Variants in VTI1A observed in about 807,000 individuals in gnomAD.
The protein encoded by VTI1A is vesicle transport through interaction with t-SNAREs 1A.
In VTI1A, 22 loss-of-function variants were observed where a neutral mutation model predicts 34.9. The observed-to-expected ratio is 0.63, with a 90% CI of 0.45 to 0.90. VTI1A has a LOEUF of 0.90. VTI1A is among the 40% of genes least tolerant of loss of function. The probability of loss-of-function intolerance (pLI) is 0.00; values close to 1 mark genes in which losing one functional copy is unlikely to be tolerated. For missense variants in VTI1A, 268 were observed against 275.6 expected (o/e 0.97, Z 0.20); for synonymous variants, 87 against 97.3 (o/e 0.89, Z 0.62).
intron 7 of VTI1A, among the ~76,000 whole-genome samples, chr10:112,760,185 C>T (rs1214081041): frequency 3.3e-5 from 5 of 152,158 alleles, no homozygotes; most frequent in African/African-American, 9.7e-5. Flanking sequence ...GTTCCAAGAC[C>T]GCCAGTGGAT....
intron 7 of VTI1A, among the ~76,000 whole-genome samples, chr10:112,732,153 A>G (rs1000251689): frequency 1.1e-4 from 16 of 152,212 alleles, no homozygotes; most frequent in Non-Finnish European, 7.3e-5. Flanking sequence ...TGAGCAAATG[A>G]CATCACAAGT....
At chr10:112,664,387 AT>A (rs886144496) in intron 5 of VTI1A, among the ~76,000 whole-genome samples, 1 of 152,030 alleles carries the variant, frequency 6.6e-6, no homozygotes, top group Admixed American at 6.6e-5. Flanking sequence ...GGTCTTATAA[AT>A]TTTTTTTAAA....
chr10:112,699,651 TGA>T (rs1007662411), intron 7 of VTI1A, among the ~76,000 whole-genome samples: 2 of 150,766 alleles, frequency 1.3e-5, no homozygotes, highest in Admixed American at 1.3e-4. Context: ...GCCAACATGG[TGA>T]AACCCCGTCT....
intron 7 of VTI1A, among the ~76,000 whole-genome samples, chr10:112,721,770 G>A (rs1387019112): frequency 1.3e-5 from 2 of 151,990 alleles, no homozygotes; most frequent in East Asian, 1.9e-4. Context: ...AGAAGTTATA[G>A]GGAGGCTAAT....
chr10:112,685,067 T>C (rs557239855), intron 7 of VTI1A, among the ~76,000 whole-genome samples: 1 of 152,328 alleles, frequency 6.6e-6, no homozygotes, highest in South Asian at 2.1e-4. Context: ...AGGTTTTCTT[T>C]GTTTAGTTTT....
chr10:112,649,970 G>A (rs1245517413), intron 5 of VTI1A, among the ~76,000 whole-genome samples: 1 of 152,162 alleles, frequency 6.6e-6, no homozygotes, highest in Non-Finnish European at 1.5e-5. Context: ...ATTGTAAAGG[G>A]CGAGGATATC....
chr10:112,504,192 A>G (rs896849136), intron 3 of VTI1A, among the ~76,000 whole-genome samples: 10 of 152,154 alleles, frequency 6.6e-5, no homozygotes, highest in African/African-American at 2.4e-4. Flanking sequence ...AGTTATGATG[A>G]TTATAAAGAT....
At chr10:112,505,305 G>C (rs1849387707) in intron 3 of VTI1A, among the ~76,000 whole-genome samples, 1 of 152,022 alleles carries the variant, frequency 6.6e-6, no homozygotes, top group Non-Finnish European at 1.5e-5. Context: ...CTCACTGGTT[G>C]TTTGTATGAC....
chr10:112,618,524 T>TAGAGAGAGAGAGAGAGAGAGAG lies in VTI1A; in HGVS notation c.428-49691_428-49670dup, dbSNP rs6144094. 2.3e-3 allele frequency among the ~76,000 whole-genome samples: 81 copies of TAGAGAGAGAGAGAGAGAGAGAG among 34,548 alleles called. 3 individuals carry two copies. Among genetic ancestry groups the TAGAGAGAGAGAGAGAGAGAGAG allele is most frequent in the African/African-American group, 7.3e-3 (45 of 6,140 alleles). 22.7% of individuals were successfully genotyped at this position (34,548 alleles called of 152,430 possible). A position where few individuals can be genotyped will look rare whatever the true frequency, so the allele number is the denominator to read the frequency against. ...ATATATATATATATATATATATATATAGAGAGAGAGAGAGAGAGAGAGAGT... is the reference window on the plus strand; with the variant it reads ...ATATATATATATATATATATATATATAGAGAGAGAGAGAGAGAGAGAGAGAGAGAGAGAGAGAGAGAGAGAGT... On this transcript the variant is annotated intron_variant, in intron 5 of 7. Coordinates refer to ENST00000393077, the MANE Select transcript of VTI1A (RefSeq NM_145206.4).
chr10:112,768,502 A>G (rs1207439656), intron 7 of VTI1A, among the ~76,000 whole-genome samples: 1 of 152,092 alleles, frequency 6.6e-6, no homozygotes, highest in South Asian at 2.1e-4. Flanking sequence ...AGTTTCACCC[A>G]TTACATTTGG....
chr10:112,524,290 GT>G (rs1850138836), intron 3 of VTI1A, among the ~76,000 whole-genome samples: 1 of 151,922 alleles, frequency 6.6e-6, no homozygotes, highest in Non-Finnish European at 1.5e-5. Context: ...GATTTGTTTT[GT>G]TTGGAAAATG....
intron 3 of VTI1A, among the ~76,000 whole-genome samples, chr10:112,513,367 G>A (rs1240763144): frequency 3.3e-5 from 5 of 151,916 alleles, no homozygotes; most frequent in African/African-American, 1.2e-4. Context: ...AAACACTATT[G>A]ATTTTTGTAT....
At chr10:112,805,677 C>A (rs1360024921) in intron 7 of VTI1A, among the ~76,000 whole-genome samples, 1 of 152,188 alleles carries the variant, frequency 6.6e-6, no homozygotes, top group East Asian at 1.9e-4. Flanking sequence ...AACTTGAACA[C>A]AGGCACTCAC....
At chr10:112,717,712 C>A (rs892085982) in intron 7 of VTI1A, among the ~76,000 whole-genome samples, 1 of 152,098 alleles carries the variant, frequency 6.6e-6, no homozygotes, top group Non-Finnish European at 1.5e-5. Flanking sequence ...CACACAGTGC[C>A]ACATTCTGTG....
chr10:112,527,009 C>T (rs1850253378), intron 3 of VTI1A, 78 bp from the exon 4 acceptor site: 1 of 1,449,294 alleles, frequency 6.9e-7, no homozygotes, highest in South Asian at 1.2e-5. Context: ...TTGAGATCAG[C>T]CTTGATACCA....
At chr10:112,610,875 C>T (rs1349806326) in intron 5 of VTI1A, among the ~76,000 whole-genome samples, 4 of 151,998 alleles carry the variant, frequency 2.6e-5, no homozygotes, top group East Asian at 3.9e-4. Flanking sequence ...GCTGAGATCG[C>T]GCCACTGCGC....
intron 3 of VTI1A, among the ~76,000 whole-genome samples, chr10:112,518,105 A>G (rs1297546389): frequency 3.3e-5 from 5 of 152,224 alleles, no homozygotes. Flanking sequence ...CTAGGAAGTC[A>G]TTGGTGATCT....
chr10:112,720,262 C>A (rs1410425497), intron 7 of VTI1A, among the ~76,000 whole-genome samples: 1 of 152,216 alleles, frequency 6.6e-6, no homozygotes, highest in African/African-American at 2.4e-5. Context: ...GGTAACTTTG[C>A]ATAGCTTTTG....
At chr10:112,531,470 G>A (rs1261320253) in intron 4 of VTI1A, among the ~76,000 whole-genome samples, 5 of 119,394 alleles carry the variant, frequency 4.2e-5, no homozygotes, top group African/African-American at 1.6e-4. Context: ...AATAACTCCC[G>A]GCCTAAGCAA....
Sources: gnomAD v4.1 joint callset for allele counts (sites outside exome capture counted in the v4.1 genomes callset) on GRCh38, gnomAD v4.1.1 for gene constraint, MANE v1.5 for transcripts, NCBI Gene and HGNC (gene_info 2026-07-23, HGNC 2026-07-21) for gene names.